PLCE1: variants seen among roughly 807,000 people sequenced by gnomAD.
PLCE1 encodes phospholipase C epsilon 1, also known as 1-phosphatidylinositol 4,5-bisphosphate phosphodiesterase epsilon-1.
PLCE1 carries 119 observed loss-of-function variants against 242.8 expected under a neutral mutation model. That is an observed-to-expected ratio of 0.49 (90% CI 0.42 to 0.57). The LOEUF is 0.57. PLCE1 is among the 20% of genes least tolerant of loss of function. The pLI is 0.00. For missense variants in PLCE1, 2,441 were observed against 2,788.8 expected (o/e 0.88, Z 2.81); for synonymous variants, 945 against 1,017.4 (o/e 0.93, Z 1.35).
Position 94,293,535 on chromosome 10 carries a change from C to T in PLCE1, c.5063C>T (p.Ser1688Phe). The change falls in exon 23 of 33, where the codon TCT becomes TTT. Residue 1688 changes from serine (S) to phenylalanine (F), a missense_variant. Around this residue, in one of 5 missense-constraint regions of PLCE1, gnomAD observed 1,004 missense variants for 1,322.7 expected, o/e 0.76. Coordinates refer to ENST00000371380, the MANE Select transcript of PLCE1 (RefSeq NM_016341.4). ...PGLSTLNASG[S>F]SRGKERKSRK... ...CTGTCAACTCTAAATGCATCTGGCT[C>T]TAGCAGAGGAAAAGAAAGGAAAAGC... The T allele has an allele frequency of 1.2e-6, 2 of 1,613,702 alleles. No homozygotes were observed. Among genetic ancestry groups the T allele is most frequent in the African/African-American group, 1.3e-5 (1 of 74,998 alleles).
chr10:94,310,867 C>T (rs1241591616), intron 27 of PLCE1, among the ~76,000 whole-genome samples: 5 of 152,128 alleles, frequency 3.3e-5, no homozygotes, highest in Non-Finnish European at 5.9e-5. Flanking sequence ...AGGGCTCAGT[C>T]CCACAAGACT....
chr10:94,125,871 A>C (rs1405358041), intron 2 of PLCE1, among the ~76,000 whole-genome samples: 1 of 152,146 alleles, frequency 6.6e-6, no homozygotes, highest in African/African-American at 2.4e-5. Context: ...GTCAAGAAAA[A>C]GCTCTGGCTA....
chr10:94,119,138 T>C (rs2046228590), intron 2 of PLCE1, among the ~76,000 whole-genome samples: 1 of 152,240 alleles, frequency 6.6e-6, no homozygotes, highest in Non-Finnish European at 1.5e-5. Flanking sequence ...CTCTCTCCTG[T>C]TCCAGGCTGG....
intron 2 of PLCE1, among the ~76,000 whole-genome samples, chr10:94,040,698 G>A (rs1165540075): frequency 6.6e-6 from 1 of 152,174 alleles, no homozygotes; most frequent in Non-Finnish European, 1.5e-5. Context: ...GCCTAAGAGA[G>A]TCTGTGGTTT....
intron 3 of PLCE1, among the ~76,000 whole-genome samples, chr10:94,162,802 T>A (rs1286000598): frequency 3.3e-5 from 5 of 152,120 alleles, no homozygotes; most frequent in African/African-American, 1.2e-4. Context: ...TAGTGCTATA[T>A]ATTTCCCTCT....
intron 24 of PLCE1, among the ~76,000 whole-genome samples, chr10:94,301,301 G>A (rs895897604): frequency 3.3e-5 from 5 of 151,604 alleles, no homozygotes; most frequent in African/African-American, 9.7e-5. Context: ...CCGAGATCGC[G>A]CCACTGCACT....
chr10:94,184,968 T>A (rs1301469807), intron 4 of PLCE1, among the ~76,000 whole-genome samples: 1 of 152,278 alleles, frequency 6.6e-6, no homozygotes, highest in Non-Finnish European at 1.5e-5. Flanking sequence ...TGAATAATGC[T>A]AATTAGTGTA....
intron 3 of PLCE1, among the ~76,000 whole-genome samples, chr10:94,133,027 T>G (rs986151655): frequency 6.6e-6 from 1 of 152,224 alleles, no homozygotes; most frequent in East Asian, 1.9e-4. Context: ...CTTTAATTTT[T>G]TTTTAAATGA....
Position 94,306,594 on chromosome 10 carries a change from C to T in PLCE1, c.5790C>T (p.Phe1930=), listed in dbSNP as rs1015938526. Residue 1930 remains phenylalanine (F), a synonymous_variant, in exon 26 of 33, where the codon TTC becomes TTT. Transcript: ENST00000371380. This position sits in a 1 kb window ranked among gnomAD's most constrained non-coding sequence, Gnocchi z 5.7. ...AGCAGTTTCTGTTCCACGTTCACTT[C>T]GAAGATCTTGTATTTCTTCGTTTTG... ...WNEQFLFHVH[F]EDLVFLRFAV... 1.4e-5 allele frequency: 22 copies of T among 1,613,934 alleles called. No homozygotes were observed. The highest frequency in any genetic ancestry group is 5.3e-5 in the African/African-American group (4 of 74,900).
At chr10:94,167,025 C>G (rs1400808820) in intron 3 of PLCE1, among the ~76,000 whole-genome samples, 2 of 152,164 alleles carry the variant, frequency 1.3e-5, no homozygotes, top group African/African-American at 4.8e-5. Context: ...CATGGTGGCT[C>G]ACACCTGTAA....
At chr10:94,165,200 C>T (rs1032882713) in intron 3 of PLCE1, among the ~76,000 whole-genome samples, 5 of 152,222 alleles carry the variant, frequency 3.3e-5, no homozygotes, top group Non-Finnish European at 7.3e-5. Context: ...GAGGTTTCTT[C>T]TGCCTTTTGT....
intron 29 of PLCE1, 59 bp downstream of exon 29, chr10:94,316,815 C>A: frequency 8.4e-7 from 1 of 1,197,250 alleles, no homozygotes; most frequent in Non-Finnish European, 1.2e-6. Context: ...TAGCCATTTA[C>A]CACTCACAAC....
intron 7 of PLCE1, among the ~76,000 whole-genome samples, chr10:94,241,719 G>A (rs978730031): frequency 3.3e-5 from 5 of 151,618 alleles, no homozygotes; most frequent in South Asian, 2.1e-4. Context: ...CCTGGGAGGC[G>A]GAGGTTGCAG....
intron 2 of PLCE1, among the ~76,000 whole-genome samples, chr10:94,058,650 A>C (rs575850143): frequency 3.0e-4 from 46 of 152,276 alleles, no homozygotes; most frequent in East Asian, 1.7e-3. Context: ...GGTGATGATT[A>C]AGAGCTCAAA....
At chr10:94,127,398 CA>C (rs779468223) in intron 2 of PLCE1, among the ~76,000 whole-genome samples, 38 of 152,096 alleles carry the variant, frequency 2.5e-4, no homozygotes, top group Non-Finnish European at 4.3e-4. Context: ...GCCAAGGTGA[CA>C]GGGGTGACTG....
chr10:94,276,176 C>G (rs760687948), intron 19 of PLCE1, among the ~76,000 whole-genome samples: 23 of 152,174 alleles, frequency 1.5e-4, no homozygotes, highest in Non-Finnish European at 2.8e-4. Flanking sequence ...AAATAAGCCC[C>G]CTGGCATTTG....
At chr10:94,058,604 A>C (rs1398646422) in intron 2 of PLCE1, among the ~76,000 whole-genome samples, 3 of 152,204 alleles carry the variant, frequency 2.0e-5, no homozygotes, top group South Asian at 2.1e-4. Context: ...TTCATTGGTC[A>C]GGTTAAGCAG....
chr10:94,085,178 A>G (rs1183910340), intron 2 of PLCE1, among the ~76,000 whole-genome samples: 1 of 152,156 alleles, frequency 6.6e-6, no homozygotes, highest in Non-Finnish European at 1.5e-5. Context: ...GTATTTATTT[A>G]AACATGAGGA....
At chr10:94,290,669 C>CAT (rs58538504) in intron 22 of PLCE1, among the ~76,000 whole-genome samples, 3,959 of 148,684 alleles carry the variant, frequency 0.027, 170 homozygotes, top group African/African-American at 0.087. Context: ...TTACAGTTAA[C>CAT]ATATATATAT....
Sources: gnomAD v4.1 joint callset for allele counts (sites outside exome capture counted in the v4.1 genomes callset) on GRCh38, gnomAD v4.1.1 for gene constraint, gnomAD v4.1.1 regional missense constraint, Gnocchi (gnomAD v3.1) non-coding constraint, MANE v1.5 for transcripts, NCBI Gene and HGNC (gene_info 2026-07-23, HGNC 2026-07-21) for gene names.